Variants in ZNF638 observed in about 807,000 individuals in gnomAD.
ZNF638 encodes CTCL tumor antigen se33-1.
ZNF638 carries 46 observed loss-of-function variants against 195.6 expected under a neutral mutation model. The ratio of observed to expected loss-of-function variants is 0.24; its 90% CI spans 0.19 to 0.30. ZNF638 has a LOEUF of 0.30. Among genes scored for constraint, ZNF638 ranks in the 10% least tolerant of loss-of-function variants. The pLI is 1.00. For missense variants in ZNF638, 2,440 were observed against 2,325.3 expected (o/e 1.05, Z -1.01); for synonymous variants, 845 against 772.0 (o/e 1.09, Z -1.57).
intron 1 of ZNF638, among the ~76,000 whole-genome samples, chr2:71,344,132 AAAAAAT>A (rs1558829520): frequency 6.6e-6 from 1 of 152,220 alleles, no homozygotes; most frequent in Non-Finnish European, 1.5e-5. Flanking sequence ...TCCGTCTCAA[AAAAAAT>A]AAAAATAAAA....
Position 71,365,682 on chromosome 2 carries a change from T to C in ZNF638, c.1971T>C (p.Asp657=). 6.2e-7 allele frequency: 1 copy of C among 1,612,292 alleles called. No homozygotes were observed. Among genetic ancestry groups the C allele is most frequent in the African/African-American group, 1.3e-5 (1 of 74,960 alleles). ...DTLSECKQVS[D]KAVSLQRKLR... ...TGTCAGAATGTAAACAGGTGTCTGATAAAGCTGTTTCTCTCCAGCGAAAGG... is the reference window on the plus strand; with the variant it reads ...TGTCAGAATGTAAACAGGTGTCTGACAAAGCTGTTTCTCTCCAGCGAAAGG... The change falls in exon 6 of 28, where the codon GAT becomes GAC. Residue 657 remains aspartate (D), a synonymous_variant. Transcript: ENST00000264447.
At chr2:71,351,430 A>G (rs2078938733) in intron 2 of ZNF638, among the ~76,000 whole-genome samples, 1 of 152,246 alleles carries the variant, frequency 6.6e-6, no homozygotes, top group African/African-American at 2.4e-5. Context: ...AGGGATAGCA[A>G]AGTCCTTACA....
chr2:71,403,830 C>G (rs994424987), intron 16 of ZNF638, 40 bp from the exon 17 acceptor site: 1 of 1,422,466 alleles, frequency 7.0e-7, no homozygotes, highest in African/African-American at 1.5e-5. Flanking sequence ...GAAAAAGTAA[C>G]ATAAGATTTT....
At chr2:71,395,672 C>G in intron 10 of ZNF638, 1 of 488,070 alleles carries the variant, frequency 2.0e-6, no homozygotes, top group Admixed American at 2.5e-5. Flanking sequence ...TGAATAAATA[C>G]AAGCGGCTCC....
Position 71,349,314 on chromosome 2 carries a change from T to G in ZNF638, c.360T>G (p.Ser120=). The G allele has an allele frequency of 6.2e-7, 1 of 1,614,202 alleles. No individual in the cohort carries two copies. Among genetic ancestry groups the G allele is most frequent in the Non-Finnish European group, 8.5e-7 (1 of 1,180,044 alleles). ...CATCAGTGGCAGTGAAACAGAGTTC[T>G]GTAACACAGGTTACAGAGCAGAGTC... is the stretch of plus-strand genomic sequence containing the variant. ...ISASVAVKQS[S]VTQVTEQSPK... Residue 120 remains serine, a synonymous_variant, in exon 2 of 28, where the codon TCT becomes TCG. Coordinates refer to ENST00000264447, the MANE Select transcript of ZNF638 (RefSeq NM_014497.5).
chr2:71,346,833 G>A (rs1232756588), intron 1 of ZNF638, among the ~76,000 whole-genome samples: 2 of 151,934 alleles, frequency 1.3e-5, no homozygotes, highest in South Asian at 2.1e-4. Context: ...CAGCCTGGCC[G>A]ACATGACGAA....
chr2:71,380,710 G>C, intron 10 of ZNF638, 145 bp downstream of exon 10: 1 of 543,704 alleles, frequency 1.8e-6, no homozygotes, highest in Non-Finnish European at 3.2e-6. Flanking sequence ...GTATTAAGCA[G>C]GCGGTTAATA....
At chr2:71,406,851 T>C (rs142060909) in intron 19 of ZNF638, among the ~76,000 whole-genome samples, 12 of 151,944 alleles carry the variant, frequency 7.9e-5, no homozygotes, top group Admixed American at 1.3e-4. Flanking sequence ...AGTTTAAAAA[T>C]TAGCTGGGCA....
At chr2:71,385,380 A>G (rs968856164) in intron 10 of ZNF638, among the ~76,000 whole-genome samples, 1 of 152,228 alleles carries the variant, frequency 6.6e-6, no homozygotes, top group East Asian at 1.9e-4. Flanking sequence ...ACTGGAAACA[A>G]CCCAAATGTT....
At chr2:71,387,581 GA>G (rs1255267076) in intron 10 of ZNF638, among the ~76,000 whole-genome samples, 3 of 151,830 alleles carry the variant, frequency 2.0e-5, no homozygotes, top group Non-Finnish European at 4.4e-5. Context: ...TGAGGCAGGA[GA>G]ATTGCCTGAA....
chr2:71,349,333 C>G lies in ZNF638; in HGVS notation c.379C>G (p.Gln127Glu). 6.2e-7 allele frequency: 1 copy of G among 1,614,152 alleles called. No homozygotes were observed. The highest frequency in any genetic ancestry group is 8.5e-7 in the Non-Finnish European group (1 of 1,180,042). ...GAGTTCTGTAACACAGGTTACAGAGCAGAGTCCCAAAGTACAGAGCCGCTA... is the reference window on the plus strand; with the variant it reads ...GAGTTCTGTAACACAGGTTACAGAGGAGAGTCCCAAAGTACAGAGCCGCTA... ...KQSSVTQVTE[Q>E]SPKVQSRYTK... Residue 127 changes from glutamine (Q) to glutamate (E), a missense_variant, in exon 2 of 28, where the codon CAG becomes GAG. By Grantham distance (29) the Gln-to-Glu change is conservative. Coordinates refer to ENST00000264447, the MANE Select transcript of ZNF638 (RefSeq NM_014497.5).
chr2:71,419,748 C>T (rs904002483), intron 21 of ZNF638, among the ~76,000 whole-genome samples: 7 of 152,088 alleles, frequency 4.6e-5, no homozygotes, highest in Non-Finnish European at 7.4e-5. Flanking sequence ...GCCACGTTAA[C>T]TCTGTGGCAA....
At chr2:71,392,450 T>A (rs1055055213) in intron 10 of ZNF638, among the ~76,000 whole-genome samples, 1 of 152,152 alleles carries the variant, frequency 6.6e-6, no homozygotes, top group Non-Finnish European at 1.5e-5. Flanking sequence ...CCATTAACAT[T>A]GTTAGTGACT....
rs2080075649 is a variant in ZNF638 at position 71,404,902 on chromosome 2, G to A, written c.2959-699G>A. Among the ~76,000 whole-genome samples the A allele has an allele frequency of 2.0e-5, 3 of 152,306 alleles. No individual in the cohort carries two copies. In the South Asian group the frequency reaches 6.2e-4, roughly 32 times the overall value. On this transcript the variant is annotated intron_variant, in intron 17 of 27. Transcript: ENST00000264447. ...GTCAACTGCTAAGAAGCATGAGGTA[G>A]AAATATTGTATGCATCACATGAGGT... is the stretch of plus-strand genomic sequence containing the variant.
In ZNF638 at chr2:71,349,340, C is replaced by T; in HGVS notation, c.386C>T (p.Pro129Leu). Residue 129 changes from proline (P) to leucine (L), a missense_variant, in exon 2 of 28, where the codon CCC becomes CTC. Pro to Leu is a moderately conservative substitution (Grantham distance 98). Transcript: ENST00000264447. ...GTAACACAGGTTACAGAGCAGAGTCCCAAAGTACAGAGCCGCTATACAAAA... is the reference window on the plus strand; with the variant it reads ...GTAACACAGGTTACAGAGCAGAGTCTCAAAGTACAGAGCCGCTATACAAAA... ...SSVTQVTEQS[P>L]KVQSRYTKES... The T allele has an allele frequency of 1.2e-6, 2 of 1,614,048 alleles. No homozygotes were observed. Among genetic ancestry groups the T allele is most frequent in the Non-Finnish European group, 1.7e-6 (2 of 1,180,016 alleles).
At chr2:71,337,014 C>T (rs1018145498) in intron 1 of ZNF638, among the ~76,000 whole-genome samples, 1 of 151,802 alleles carries the variant, frequency 6.6e-6, no homozygotes, top group Non-Finnish European at 1.5e-5. Context: ...AATAGGCTGA[C>T]TAACAGTCAA....
chr2:71,346,847 C>T (rs1196900179), intron 1 of ZNF638, among the ~76,000 whole-genome samples: 1 of 151,968 alleles, frequency 6.6e-6, no homozygotes, highest in Admixed American at 6.6e-5. Context: ...TGACGAAACC[C>T]CATCTCTACT....
intron 3 of ZNF638, among the ~76,000 whole-genome samples, chr2:71,358,928 G>A (rs1415613031): frequency 3.3e-5 from 5 of 152,142 alleles, no homozygotes; most frequent in Admixed American, 6.5e-5. Context: ...CTTGCTGAGG[G>A]CTCATGATCA....
chr2:71,418,300 G>T, intron 20 of ZNF638: 1 of 222,240 alleles, frequency 4.5e-6, no homozygotes, highest in South Asian at 1.8e-4. Context: ...CACATTTATT[G>T]TTTAGGGAAA....
Sources: allele counts gnomAD v4.1 joint callset (sites outside exome capture counted in the v4.1 genomes callset), GRCh38; gene constraint gnomAD v4.1.1; transcripts MANE v1.5; gene names NCBI Gene and HGNC (gene_info 2026-07-23, HGNC 2026-07-21).